Variants in TBC1D4 observed in about 807,000 individuals in gnomAD.
TBC1D4 encodes TBC1 domain family member 4.
TBC1D4 carries 121 observed loss-of-function variants against 142.5 expected under a neutral mutation model. That is an observed-to-expected ratio of 0.85 (90% CI 0.73 to 0.99). The LOEUF (loss-of-function observed/expected upper bound fraction) is 0.99. Ranked by LOEUF, TBC1D4 falls within the 50% of genes least tolerant of loss-of-function variation. The pLI is 0.00. For missense variants in TBC1D4, 1,475 were observed against 1,606.6 expected (o/e 0.92, Z 1.40); for synonymous variants, 630 against 628.2 (o/e 1.00, Z -0.04).
intron 1 of TBC1D4, among the ~76,000 whole-genome samples, chr13:75,471,703 A>G (rs1593922704): frequency 6.7e-6 from 1 of 150,358 alleles, no homozygotes; most frequent in Admixed American, 6.7e-5. Flanking sequence ...GGGCCACTAC[A>G]CCACTCCAGC....
intron 6 of TBC1D4, 129 bp downstream of exon 6, chr13:75,341,367 T>C (rs1880686638): frequency 1.6e-6 from 2 of 1,236,680 alleles, no homozygotes; most frequent in Non-Finnish European, 2.4e-6. Context: ...TGGCATTCTA[T>C]TCTATCCAGT....
chr13:75,312,416 G>GAAAAA (rs762306467), intron 13 of TBC1D4, among the ~76,000 whole-genome samples: 6 of 125,752 alleles, frequency 4.8e-5, no homozygotes, highest in South Asian at 3.1e-4. Flanking sequence ...CAATCTCTGG[G>GAAAAA]AAAAAAAAAA....
intron 4 of TBC1D4, 123 bp from the exon 5 acceptor site, chr13:75,349,425 A>G: frequency 1.5e-6 from 2 of 1,317,050 alleles, no homozygotes; most frequent in East Asian, 2.4e-5. Flanking sequence ...TTTGATGACT[A>G]GAGAGTTAGC....
At position 75,287,033 on chromosome 13, in the gene TBC1D4, G is replaced by C. The variant is rs373738303; in HGVS notation, c.3664-8C>G. On this transcript the variant is annotated splice_region_variant and splice_polypyrimidine_tract_variant and intron_variant, in intron 20 of 20. Transcript: ENST00000377636. ...GATTTTAGTATGAGCTACCTGTTTG[G>C]GGGGGAAAAAATCCTCCAAATCAAA... 22 of 1,599,756 alleles carry C rather than the reference G, an allele frequency of 1.4e-5. No homozygotes were observed. Among genetic ancestry groups the C allele is most frequent in the African/African-American group, 7.9e-5 (5 of 63,420 alleles).
At position 75,286,734 on chromosome 13, in the gene TBC1D4, G is replaced by C; in HGVS notation, c.*58C>G. ...CCAGCCTTGGGCCAGCGACATGCAG[G>C]CTCTTCCTCTCTGTAGTATTCTAAG... is the stretch of plus-strand genomic sequence containing the variant. On this transcript the variant is annotated 3_prime_UTR_variant, in exon 21 of 21. Transcript: ENST00000377636. 6.5e-7 allele frequency: 1 copy of C among 1,540,622 alleles called. No individual in the cohort carries two copies. The highest frequency in any genetic ancestry group is 1.9e-4 in the Middle Eastern group (1 of 5,286).
At chr13:75,380,618 G>C (rs185896680) in intron 1 of TBC1D4, among the ~76,000 whole-genome samples, 2 of 151,370 alleles carry the variant, frequency 1.3e-5, no homozygotes, top group Non-Finnish European at 2.9e-5. Flanking sequence ...TCACCTTCTC[G>C]GCATTTTATG....
At chr13:75,302,529 C>A (rs1300891514) in intron 15 of TBC1D4, 128 bp from the exon 16 acceptor site, 13 of 1,049,348 alleles carry the variant, frequency 1.2e-5, no homozygotes, top group African/African-American at 1.6e-5. Context: ...TAAGACCACA[C>A]AATATAATTG....
intron 1 of TBC1D4, among the ~76,000 whole-genome samples, chr13:75,368,659 A>G (rs1883058501): frequency 6.6e-6 from 1 of 152,154 alleles, no homozygotes; most frequent in South Asian, 2.1e-4. Flanking sequence ...TTCTTATCCT[A>G]TGACTGTTAC....
intron 1 of TBC1D4, among the ~76,000 whole-genome samples, chr13:75,421,888 T>C (rs1886186796): frequency 6.6e-6 from 1 of 152,234 alleles, no homozygotes; most frequent in South Asian, 2.1e-4. Flanking sequence ...TTTCATCAAA[T>C]GTTCCACAAA....
At chr13:75,318,921 GA>G in intron 12 of TBC1D4, among the ~76,000 whole-genome samples, 1 of 151,798 alleles carries the variant, frequency 6.6e-6, no homozygotes, top group Non-Finnish European at 1.5e-5. Flanking sequence ...GACCTAAGCT[GA>G]AAAAAAATCA....
intron 1 of TBC1D4, among the ~76,000 whole-genome samples, chr13:75,371,411 G>C (rs1005931323): frequency 1.3e-5 from 2 of 152,204 alleles, no homozygotes; most frequent in Non-Finnish European, 2.9e-5. Flanking sequence ...GAACTGAACT[G>C]GCAGTTTGAA....
In TBC1D4 at chr13:75,476,263, C is replaced by A. The variant is rs147571039; in HGVS notation, c.498+5007G>T. On this transcript the variant is annotated intron_variant, in intron 1 of 20. Coordinates refer to ENST00000377636, the MANE Select transcript of TBC1D4 (RefSeq NM_014832.5). Reference sequence around the variant, plus strand: ...ACCTCAAAAAAATAAACAACAACAACAAAAAAACTTCATTTGTGTTTCTAT... The same window carrying A: ...ACCTCAAAAAAATAAACAACAACAAAAAAAAAACTTCATTTGTGTTTCTAT... Among the ~76,000 whole-genome samples the A allele has an allele frequency of 2.3e-3, 349 of 152,174 alleles. 2 individuals carry two copies. Among genetic ancestry groups the A allele is most frequent in the African/African-American group, 7.8e-3 (324 of 41,518 alleles).
At chr13:75,419,500 G>A (rs569119841) in intron 1 of TBC1D4, among the ~76,000 whole-genome samples, 65 of 152,180 alleles carry the variant, frequency 4.3e-4, no homozygotes, top group African/African-American at 1.3e-3. Context: ...GGCATACCTC[G>A]AAGTTGTATA....
At chr13:75,402,654 A>AACACACACACACACACACAC (rs56176942) in intron 1 of TBC1D4, among the ~76,000 whole-genome samples, 1 of 142,364 alleles carries the variant, frequency 7.0e-6, no homozygotes, top group Non-Finnish European at 1.5e-5. Context: ...ATCCCTAGTA[A>AACACACACACACACACACAC]ACACACACAC....
intron 1 of TBC1D4, among the ~76,000 whole-genome samples, chr13:75,463,854 T>C (rs1888067010): frequency 6.6e-6 from 1 of 152,144 alleles, no homozygotes; most frequent in Non-Finnish European, 1.5e-5. Context: ...GTCCCAAATC[T>C]ACCCATTAGT....
At chr13:75,348,954 A>AGTGTGTGTGTGTGTGTGT (rs55954112) in intron 5 of TBC1D4, among the ~76,000 whole-genome samples, 2 of 139,082 alleles carry the variant, frequency 1.4e-5, no homozygotes, top group African/African-American at 5.5e-5. Flanking sequence ...AGAGAGAGAG[A>AGTGTGTGTGTGTGTGTGT]GTGTGTGTGT....
At chr13:75,377,056 T>C (rs937580249) in intron 1 of TBC1D4, among the ~76,000 whole-genome samples, 4 of 152,234 alleles carry the variant, frequency 2.6e-5, no homozygotes, top group Non-Finnish European at 5.9e-5. Context: ...ACAGTACATA[T>C]TAGCCATAAT....
intron 1 of TBC1D4, among the ~76,000 whole-genome samples, chr13:75,476,603 T>C (rs938195629): frequency 6.6e-5 from 10 of 152,174 alleles, no homozygotes; most frequent in South Asian, 2.1e-4. Context: ...GACAGGCAAA[T>C]CATTAAGCTA....
At chr13:75,320,395 A>T (rs1330248808) in intron 11 of TBC1D4, among the ~76,000 whole-genome samples, 2 of 152,216 alleles carry the variant, frequency 1.3e-5, no homozygotes, top group African/African-American at 2.4e-5. Context: ...GAAGCACTGT[A>T]AAAAGTAACA....
Sources: gnomAD v4.1 joint callset for allele counts (sites outside exome capture counted in the v4.1 genomes callset) on GRCh38, gnomAD v4.1.1 for gene constraint, MANE v1.5 for transcripts, NCBI Gene and HGNC (gene_info 2026-07-23, HGNC 2026-07-21) for gene names.